Variants in FLRT2 observed in about 807,000 individuals in gnomAD.
The protein encoded by FLRT2 is leucine-rich repeat transmembrane protein FLRT2.
Under a neutral mutation model 40.0 loss-of-function variants are expected in FLRT2, and 15 were observed. The ratio of observed to expected loss-of-function variants is 0.38; its 90% confidence interval spans 0.25 to 0.58. The LOEUF (loss-of-function observed/expected upper bound fraction) is 0.58. Among genes scored for constraint, FLRT2 ranks in the 20% least tolerant of loss-of-function variants. The probability of loss-of-function intolerance (pLI) is 0.71; values close to 1 mark genes in which losing one functional copy is unlikely to be tolerated. For synonymous variants in FLRT2, 380 were observed against 336.8 expected, an observed-to-expected ratio of 1.13 and a Z score of -1.41; for missense variants, 726 against 840.0, an observed-to-expected ratio of 0.86 and a Z score of 1.68.
chr14:85,543,677 C>G (rs192279489), intron 1 of FLRT2, among the ~76,000 whole-genome samples: 5 of 152,248 alleles, frequency 3.3e-5, no homozygotes, highest in African/African-American at 1.2e-4. Context: ...AGCACCCATC[C>G]CCTGTACCCT....
rs557268156 is a variant in FLRT2 at position 85,644,960 on chromosome 14, C to T, written c.*21463C>T. On this transcript the variant is annotated 3_prime_UTR_variant, in exon 2 of 2. Coordinates refer to ENST00000330753, the MANE Select transcript of FLRT2 (RefSeq NM_013231.6). The stretch of plus-strand genomic sequence containing the variant: ...TCTGAAGCAAAATCATGCTTTCTTT[C>T]TTAGATTATTAATCTCCTTGTGAGG... 1.3e-5 allele frequency: 2 copies of T among 152,094 alleles called. No individual in the cohort carries two copies. Among genetic ancestry groups the T allele is most frequent in the Non-Finnish European group, 2.9e-5 (2 of 68,008 alleles). 9.4% of individuals were successfully genotyped at this position (152,094 alleles called of 1,614,324 possible).
intron 1 of FLRT2, among the ~76,000 whole-genome samples, chr14:85,577,549 AG>A (rs1361840708): frequency 6.6e-6 from 1 of 151,920 alleles, no homozygotes; most frequent in East Asian, 1.9e-4. Context: ...TTAGCCTCTG[AG>A]GACTATGCCC....
At chr14:85,547,325 CTTT>C (rs57883277) in intron 1 of FLRT2, among the ~76,000 whole-genome samples, 147 of 139,254 alleles carry the variant, frequency 1.1e-3, no homozygotes, top group Admixed American at 1.4e-3. Flanking sequence ...TTCTTTCTTT[CTTT>C]TTTTTTTTTT....
chr14:85,627,160 T>C lies in FLRT2; in HGVS notation c.*3663T>C, dbSNP rs183073694. On this transcript the variant is annotated 3_prime_UTR_variant, in exon 2 of 2. Transcript: ENST00000330753. ...AGACATTACATTTTACTTTAGAACA[T>C]GAGAATAGCAGTTTTGCTCATGACT... is the stretch of plus-strand genomic sequence containing the variant. 78 of 167,206 alleles carry C rather than the reference T, an allele frequency of 4.7e-4. No individual in the cohort carries two copies. The highest frequency in any genetic ancestry group is 1.8e-3 in the African/African-American group (73 of 41,578). 10.4% of individuals were successfully genotyped at this position (167,206 alleles called of 1,614,324 possible).
At chr14:85,575,615 G>A (rs563757462) in intron 1 of FLRT2, among the ~76,000 whole-genome samples, 1 of 152,264 alleles carries the variant, frequency 6.6e-6, no homozygotes, top group African/African-American at 2.4e-5. Flanking sequence ...TTTTGTAAAA[G>A]GAGCATTGGA....
In FLRT2 at chr14:85,640,039, G is replaced by A. The variant is rs1323584531; in HGVS notation, c.*16542G>A. On this transcript the variant is annotated 3_prime_UTR_variant, in exon 2 of 2. Coordinates refer to ENST00000330753, the MANE Select transcript of FLRT2 (RefSeq NM_013231.6). The stretch of plus-strand genomic sequence containing the variant: ...AATATTTTGTATTTTTAGTAGAGAC[G>A]AGGTTTCACCGTGTTAGCCAGGATG... 1 of 151,980 alleles carries A rather than the reference G, an allele frequency of 6.6e-6. No homozygotes were observed. The highest frequency in any genetic ancestry group is 1.5e-5 in the Non-Finnish European group (1 of 68,086). 9.4% of individuals were successfully genotyped at this position (151,980 alleles called of 1,614,324 possible). A position where few individuals can be genotyped will look rare whatever the true frequency, so the allele number is the denominator to read the frequency against.
rs1594977859 is a variant in FLRT2, at chr14:85,642,122, T to A, written c.*18625T>A. The A allele has an allele frequency of 8.5e-6, 1 of 117,664 alleles. No homozygotes were observed. Among genetic ancestry groups the A allele is most frequent in the South Asian group, 3.2e-4 (1 of 3,098 alleles). The allele number at this position is 117,664 out of a possible 1,614,324, so 7.3% of individuals were successfully genotyped here. ...TATTTTATTTCTTACAGTTTCAAGG[T>A]TGCTGTTGACAAAAAAAAAAAAAAA... On this transcript the variant is annotated 3_prime_UTR_variant, in exon 2 of 2. Transcript: ENST00000330753.
In FLRT2 at chr14:85,624,282, T is replaced by C. The variant is rs1893568360; in HGVS notation, c.*785T>C. ...CAGTCTGATGTTGTAGCAAGAAGAC[T>C]CCCTTTAAAAGTGTTACTGTTCAAA... is the stretch of plus-strand genomic sequence containing the variant. On this transcript the variant is annotated 3_prime_UTR_variant, in exon 2 of 2. Coordinates refer to ENST00000330753, the MANE Select transcript of FLRT2 (RefSeq NM_013231.6). 1 of 167,114 alleles carries C rather than the reference T, an allele frequency of 6.0e-6. No individual in the cohort carries two copies. The highest frequency in any genetic ancestry group is 2.4e-5 in the African/African-American group (1 of 41,462). The allele number at this position is 167,114 out of a possible 1,614,324, so 10.4% of individuals were successfully genotyped here.
chr14:85,602,942 G>A (rs1892442913), intron 1 of FLRT2, among the ~76,000 whole-genome samples: 1 of 152,068 alleles, frequency 6.6e-6, no homozygotes. Flanking sequence ...GAGAATGGGG[G>A]CATTTGAGCG....
At position 85,632,363 on chromosome 14, in the gene FLRT2, T is replaced by G; in HGVS notation, c.*8866T>G. 6.6e-6 allele frequency: 1 copy of G among 150,564 alleles called. No homozygotes were observed. The highest frequency in any genetic ancestry group is 1.5e-5 in the Non-Finnish European group (1 of 67,900). The allele number at this position is 150,564 out of a possible 1,614,324, so 9.3% of individuals were successfully genotyped here. On this transcript the variant is annotated 3_prime_UTR_variant, in exon 2 of 2. Coordinates refer to ENST00000330753, the MANE Select transcript of FLRT2 (RefSeq NM_013231.6). ...GGTGCGTGCCTGTAGTCCCAGCTAC[T>G]CAGGAGGCTGAGGCAGGAGAATTGC...
intron 1 of FLRT2, among the ~76,000 whole-genome samples, chr14:85,531,852 C>G (rs540853570): frequency 5.1e-4 from 78 of 152,290 alleles, no homozygotes; most frequent in African/African-American, 1.7e-3. Context: ...GCGCACGAAC[C>G]GGGTAGTGTG....
chr14:85,587,127 G>A (rs892475596), intron 1 of FLRT2, among the ~76,000 whole-genome samples: 10 of 151,940 alleles, frequency 6.6e-5, no homozygotes, highest in Admixed American at 2.0e-4. Flanking sequence ...ACCATCAAAC[G>A]AGGAAGCTTT....
Position 85,653,352 on chromosome 14 carries a change from G to C in FLRT2, c.*29855G>C, listed in dbSNP as rs761942499. The C allele has an allele frequency of 2.6e-5, 4 of 152,064 alleles. No homozygotes were observed. The highest frequency in any genetic ancestry group is 1.5e-5 in the Non-Finnish European group (1 of 68,014). The allele number at this position is 152,064 out of a possible 1,614,324, so 9.4% of individuals were successfully genotyped here. A position where few individuals can be genotyped will look rare whatever the true frequency, so the allele number is the denominator to read the frequency against. ...TGGTGCCATCAATGGGATGCAATTTGGCTAGTCACACCTGGGTGACCAATA... is the reference window on the plus strand; with the variant it reads ...TGGTGCCATCAATGGGATGCAATTTCGCTAGTCACACCTGGGTGACCAATA... On this transcript the variant is annotated 3_prime_UTR_variant, in exon 2 of 2. Coordinates refer to ENST00000330753, the MANE Select transcript of FLRT2 (RefSeq NM_013231.6).
rs572587741 is a variant in FLRT2, at chr14:85,560,461, G to A, written c.-377+29927G>A. Among the ~76,000 whole-genome samples, 13 of 152,198 alleles carry A rather than the reference G, an allele frequency of 8.5e-5. No homozygotes were observed. In the East Asian group the frequency reaches 2.5e-3, roughly 29 times the overall value. The stretch of plus-strand genomic sequence containing the variant: ...ATGGTGGCACGTGGCTGTAATCTCA[G>A]CTACTTGGGAAGCTGAAGGAGGAGA... On this transcript the variant is annotated intron_variant, in intron 1 of 1. Transcript: ENST00000330753.
chr14:85,605,240 T>C (rs1365706105), intron 1 of FLRT2, among the ~76,000 whole-genome samples: 1 of 152,142 alleles, frequency 6.6e-6, no homozygotes, highest in South Asian at 2.1e-4. Context: ...TTTGATAACT[T>C]GGAAATATAA....
chr14:85,555,806 T>C (rs904451064), intron 1 of FLRT2, among the ~76,000 whole-genome samples: 2 of 151,988 alleles, frequency 1.3e-5, no homozygotes, highest in Non-Finnish European at 1.5e-5. Context: ...TCCTCTTGCC[T>C]CAGCCTCCCA....
intron 1 of FLRT2, among the ~76,000 whole-genome samples, chr14:85,620,651 T>G (rs754767043): frequency 3.3e-5 from 5 of 152,192 alleles, no homozygotes; most frequent in Non-Finnish European, 7.3e-5. Context: ...TTAAGTGACT[T>G]TATTAGTCTC....
At chr14:85,614,628 A>G (rs1264801059) in intron 1 of FLRT2, among the ~76,000 whole-genome samples, 1 of 152,032 alleles carries the variant, frequency 6.6e-6, no homozygotes, top group Admixed American at 6.6e-5. Context: ...AAGTTGACAA[A>G]TTGCACCTGA....
Position 85,654,054 on chromosome 14 carries a change from A to G in FLRT2, c.*30557A>G, listed in dbSNP as rs1651266313. 6.6e-6 allele frequency: 1 copy of G among 152,186 alleles called. No homozygotes were observed. Among genetic ancestry groups the G allele is most frequent in the Non-Finnish European group, 1.5e-5 (1 of 68,038 alleles). The allele number at this position is 152,186 out of a possible 1,614,324, so 9.4% of individuals were successfully genotyped here. ...TTGTTTTTTGAGGTCGTCTGATGAA[A>G]TCAGAATGATTTCACTTAAGGCAAG... On this transcript the variant is annotated 3_prime_UTR_variant, in exon 2 of 2. Transcript: ENST00000330753.
Sources: allele counts gnomAD v4.1 joint callset (sites outside exome capture counted in the v4.1 genomes callset), GRCh38; gene constraint gnomAD v4.1.1; transcripts MANE v1.5; gene names NCBI Gene and HGNC (gene_info 2026-07-23, HGNC 2026-07-21).